Variants in TBCD observed in about 807,000 individuals in gnomAD.
TBCD encodes the protein tubulin folding cofactor D.
Under a neutral mutation model 169.3 loss-of-function variants are expected in TBCD, and 105 were observed. The ratio of observed to expected loss-of-function variants is 0.62; its 90% CI spans 0.53 to 0.73. TBCD has a LOEUF of 0.73. Among genes scored for constraint, TBCD ranks in the 30% least tolerant of loss-of-function variants. The pLI, the probability that TBCD is intolerant of heterozygous loss-of-function variation, is 0.00. For synonymous variants in TBCD, 700 were observed against 643.9 expected (o/e 1.09, Z -1.32); for missense variants, 1,444 against 1,600.1 (o/e 0.90, Z 1.66).
chr17:82,836,057 G>A (rs753898540), intron 13 of TBCD, among the ~76,000 whole-genome samples: 7 of 152,212 alleles, frequency 4.6e-5, no homozygotes, highest in African/African-American at 9.7e-5. Flanking sequence ...AATGAAACAC[G>A]TAATGATAGC....
chr17:82,941,608 C>A, intron 38 of TBCD, 125 bp downstream of exon 38: 1 of 836,034 alleles, frequency 1.2e-6, no homozygotes, highest in South Asian at 1.7e-5. Context: ...CGTCTCATGT[C>A]AGGACCCCTG....
chr17:82,936,874 T>A (rs933384912), intron 34 of TBCD, among the ~76,000 whole-genome samples: 1 of 152,236 alleles, frequency 6.6e-6, no homozygotes, highest in African/African-American at 2.4e-5. Flanking sequence ...GTCCTCTGTG[T>A]GTCGGCAGTT....
intron 2 of TBCD, among the ~76,000 whole-genome samples, chr17:82,758,478 G>C (rs116058460): frequency 0.012 from 1,752 of 147,386 alleles, 34 homozygotes; most frequent in African/African-American, 0.041. Context: ...TCATACCTCT[G>C]GGTTCAAGCG....
At chr17:82,858,445 C>A in intron 13 of TBCD, 1 of 376,920 alleles carries the variant, frequency 2.7e-6, no homozygotes, top group Non-Finnish European at 3.7e-6. Context: ...TAGCTCCAGG[C>A]CTATTCGGCA....
intron 13 of TBCD, among the ~76,000 whole-genome samples, chr17:82,819,493 G>A (rs559405187): frequency 3.3e-5 from 5 of 152,272 alleles, no homozygotes; most frequent in African/African-American, 1.2e-4. Flanking sequence ...AAAGAAATTC[G>A]AAAGTAGCCT....
At chr17:82,791,312 C>T (rs909979368) in intron 7 of TBCD, among the ~76,000 whole-genome samples, 8 of 152,092 alleles carry the variant, frequency 5.3e-5, no homozygotes, top group African/African-American at 9.7e-5. Context: ...AGGATGGTCT[C>T]GATCTCCTGA....
At position 82,930,540 on chromosome 17, in the gene TBCD, A is replaced by T; in HGVS notation, c.3010A>T (p.Ser1004Cys). 6.2e-7 allele frequency: 1 copy of T among 1,613,514 alleles called. No individual in the cohort carries two copies. The highest frequency in any genetic ancestry group is 8.5e-7 in the Non-Finnish European group (1 of 1,179,804). ...GTTGCAGATCCGGCACTCCACCCAG[A>T]GCCTCTTTGAGTACATGAAGGGCAT... ...TESTIRHSTQ[S>C]LFEYMKGIQS... The change falls in exon 33 of 39, where the codon AGC (serine) becomes TGC (cysteine). Residue 1004 changes from serine to cysteine, a missense_variant. By Grantham distance (112) the Ser-to-Cys change is moderately radical (BLOSUM62 -1). Coordinates refer to ENST00000355528, the MANE Select transcript of TBCD (RefSeq NM_005993.5). The surrounding 1 kb of genome is among the most constrained non-coding windows in gnomAD (Gnocchi z 5.2).
intron 13 of TBCD, chr17:82,830,130 G>A: frequency 6.2e-7 from 1 of 1,613,228 alleles, no homozygotes; most frequent in Non-Finnish European, 8.5e-7. Flanking sequence ...GAACACACGT[G>A]TGAACCCGGC....
chr17:82,790,703 T>C (rs2144497585), intron 7 of TBCD, among the ~76,000 whole-genome samples: 1 of 152,336 alleles, frequency 6.6e-6, no homozygotes, highest in East Asian at 1.9e-4. Context: ...AGCCTTGTCC[T>C]TGTCTCTGCC....
intron 8 of TBCD, among the ~76,000 whole-genome samples, chr17:82,800,262 G>A (rs527835747): frequency 6.6e-6 from 1 of 152,122 alleles, no homozygotes; most frequent in Non-Finnish European, 1.5e-5. Context: ...CGCAGCACCC[G>A]GGCGTCTCCT....
At chr17:82,860,109 A>G (rs552361451) in intron 13 of TBCD, among the ~76,000 whole-genome samples, 83 of 152,364 alleles carry the variant, frequency 5.4e-4, no homozygotes, top group Middle Eastern at 6.8e-3. Flanking sequence ...GCAGTGAGTC[A>G]TGGCAGAACT....
In TBCD at chr17:82,911,804, C is replaced by T. The variant is rs1568021962; in HGVS notation, c.2038+15C>T. ...GAGACAAGCAGGTAAGTCTGAAGGC[C>T]TTTGCAGCCCTCTGCAGCCCTTTGC... On this transcript the variant is annotated intron_variant, in intron 23 of 38. Coordinates refer to ENST00000355528, the MANE Select transcript of TBCD (RefSeq NM_005993.5). 4.3e-6 allele frequency: 7 copies of T among 1,613,606 alleles called. No individual in the cohort carries two copies. The highest frequency in any genetic ancestry group is 5.9e-6 in the Non-Finnish European group (7 of 1,179,750).
rs532082181 is a variant in TBCD, at chr17:82,832,499, C to G, written c.1318+17565C>G. On this transcript the variant is annotated intron_variant, in intron 13 of 38. Coordinates refer to ENST00000355528, the MANE Select transcript of TBCD (RefSeq NM_005993.5). This position sits in a 1 kb window ranked among gnomAD's most constrained non-coding sequence, Gnocchi z 4.9. ...ACTCTGGCTGTCCAGGTGGCGTGAT[C>G]ACTGTCGACGCCGCGTGCACTTCGT... 3.2e-6 allele frequency: 5 copies of G among 1,564,960 alleles called. No individual in the cohort carries two copies. Among genetic ancestry groups the G allele is most frequent in the Admixed American group, 3.3e-5 (2 of 59,874 alleles).
chr17:82,915,713 TC>T lies in TBCD; in HGVS notation c.2038+3925del, dbSNP rs2060980949. ...GCAGGGGCCGGGAGGAAGGGGGTCA[TC>T]TGGCTCACAGCCTTGCACCAGAGGC... On this transcript the variant is annotated intron_variant, in intron 23 of 38. Transcript: ENST00000355528. This position sits in a 1 kb window ranked among gnomAD's most constrained non-coding sequence, Gnocchi z 4.3. 6.6e-6 allele frequency among the ~76,000 whole-genome samples: 1 copy of T among 152,186 alleles called. No homozygotes were observed. The highest frequency in any genetic ancestry group is 1.5e-5 in the Non-Finnish European group (1 of 68,036).
At position 82,880,519 on chromosome 17, in the gene TBCD, C is replaced by G. The variant is rs950954786; in HGVS notation, c.1476-3626C>G. On this transcript the variant is annotated intron_variant, in intron 14 of 38. Transcript: ENST00000355528. This position sits in a 1 kb window ranked among gnomAD's most constrained non-coding sequence, Gnocchi z 5.0. ...ATATGCTGTGACCAGGGTAGTTGGG[C>G]TTATGACTTTGTTGTTGTTTACGTG... 6.6e-6 allele frequency among the ~76,000 whole-genome samples: 1 copy of G among 152,208 alleles called. No homozygotes were observed. Among genetic ancestry groups the G allele is most frequent in the African/African-American group, 2.4e-5 (1 of 41,450 alleles).
At chr17:82,896,590 C>T (rs772632526) in intron 17 of TBCD, among the ~76,000 whole-genome samples, 6 of 151,844 alleles carry the variant, frequency 4.0e-5, no homozygotes, top group East Asian at 1.9e-4. Flanking sequence ...CTCAGCCTCC[C>T]GAGTAGCTGG....
At chr17:82,860,644 G>GGA (rs765006009) in intron 13 of TBCD, among the ~76,000 whole-genome samples, 1 of 152,216 alleles carries the variant, frequency 6.6e-6, no homozygotes, top group Non-Finnish European at 1.5e-5. Context: ...GATGGATGAT[G>GGA]GAGAGGGTCC....
rs2146175364 is a variant in TBCD, at chr17:82,880,346, A to T, written c.1476-3799A>T. ...CTGTGTTCGGCACCCGCTGGGCTGC[A>T]GGAGTAATCCAGGGCCCTCTCCCCA... On this transcript the variant is annotated intron_variant, in intron 14 of 38. Coordinates refer to ENST00000355528, the MANE Select transcript of TBCD (RefSeq NM_005993.5). The surrounding 1 kb of genome is among the most constrained non-coding windows in gnomAD (Gnocchi z 5.0). Among the ~76,000 whole-genome samples, 1 of 152,332 alleles carries T rather than the reference A, an allele frequency of 6.6e-6. No individual in the cohort carries two copies. Among genetic ancestry groups the T allele is most frequent in the East Asian group, 1.9e-4 (1 of 5,192 alleles).
chr17:82,856,887 G>T (rs1208752398), intron 13 of TBCD, among the ~76,000 whole-genome samples: 1 of 144,888 alleles, frequency 6.9e-6, no homozygotes. Flanking sequence ...CCCTCGCTGC[G>T]CATCCAGGGC....
Sources: allele counts gnomAD v4.1 joint callset (sites outside exome capture counted in the v4.1 genomes callset), GRCh38; gene constraint gnomAD v4.1.1; non-coding constraint Gnocchi (gnomAD v3.1); transcripts MANE v1.5; gene names NCBI Gene and HGNC (gene_info 2026-07-23, HGNC 2026-07-21).